IL2RA: variants seen among roughly 807,000 people sequenced by gnomAD.
IL2RA encodes interleukin 2 receptor subunit alpha.
IL2RA carries 24 observed loss-of-function variants against 37.8 expected under a neutral mutation model. The ratio of observed to expected loss-of-function variants is 0.63; its 90% CI spans 0.46 to 0.89. IL2RA has a LOEUF of 0.89. Ranked by LOEUF, IL2RA falls within the 40% of genes least tolerant of loss-of-function variation. IL2RA has a pLI of 0.00. For synonymous variants in IL2RA, 125 were observed against 114.6 expected, an observed-to-expected ratio of 1.09 and a Z score of -0.58; for missense variants, 319 against 348.6, an observed-to-expected ratio of 0.92 and a Z score of 0.68.
rs1839246632 is a variant in IL2RA, at chr10:6,014,560, A to G, written c.795-1664T>C. On this transcript the variant is annotated intron_variant, in intron 7 of 7. Transcript: ENST00000379959. The surrounding 1 kb of genome is among the most constrained non-coding windows in gnomAD (Gnocchi z 4.4). ...TGTCCTCTGGGCCCGAAGGCTTTTG[A>G]TCTTCAAACTAACAAATGAAAAAAA... Among the ~76,000 whole-genome samples the G allele has an allele frequency of 6.6e-6, 1 of 152,158 alleles. No homozygotes were observed.
In IL2RA at chr10:6,025,923, C is replaced by T. The variant is rs886047083; in HGVS notation, c.167G>A (p.Arg56His). The change falls in exon 2 of 8, where the codon CGC becomes CAC. Residue 56 changes from arginine (R) to histidine (H), a missense_variant. Arg to His is a conservative substitution (Grantham distance 29). Transcript: ENST00000379959. This position sits in a 1 kb window ranked among gnomAD's most constrained non-coding sequence, Gnocchi z 4.4. ...MLNCECKRGF[R>H]RIKSGSLYML... ...ATAGAGTGACCCGCTTTTTATTCTG[C>T]GGAAACCTCTCTTGCATTCACAGTT... 17 of 1,614,046 alleles carry T rather than the reference C, an allele frequency of 1.1e-5. No individual in the cohort carries two copies. Among genetic ancestry groups the T allele is most frequent in the Non-Finnish European group, 1.1e-5 (13 of 1,180,042 alleles).
rs184913967 is a variant in IL2RA at position 6,018,927 on chromosome 10, C to T, written c.727+501G>A. The stretch of plus-strand genomic sequence containing the variant: ...ACCAATCTACCAATCTATCTACCAA[C>T]CAACTCACTAACCAACCAACCAGCT... On this transcript the variant is annotated intron_variant, in intron 6 of 7. Coordinates refer to ENST00000379959, the MANE Select transcript of IL2RA (RefSeq NM_000417.3). This position sits in a 1 kb window ranked among gnomAD's most constrained non-coding sequence, Gnocchi z 5.1. Among the ~76,000 whole-genome samples the T allele has an allele frequency of 5.9e-5, 9 of 152,246 alleles. No individual in the cohort carries two copies.
intron 7 of IL2RA, 64 bp downstream of exon 7, chr10:6,017,989 C>T (rs990747971): frequency 7.6e-7 from 1 of 1,320,662 alleles, no homozygotes. Flanking sequence ...AGGGGGGAGG[C>T]AGGGTGGGGC....
rs752717856 is a variant in IL2RA, at chr10:6,015,154, A to G, written c.795-2258T>C. ...GTCACCCAGGGTGGAGTGCAGTGGT[A>G]CGATCTCAGCTCACTGCAGCCTCTG... On this transcript the variant is annotated intron_variant, in intron 7 of 7. Coordinates refer to ENST00000379959, the MANE Select transcript of IL2RA (RefSeq NM_000417.3). The surrounding 1 kb of genome is among the most constrained non-coding windows in gnomAD (Gnocchi z 4.9). Among the ~76,000 whole-genome samples the G allele has an allele frequency of 6.6e-6, 1 of 150,648 alleles. No homozygotes were observed. Among genetic ancestry groups the G allele is most frequent in the Non-Finnish European group, 1.5e-5 (1 of 67,740 alleles).
At position 6,026,003 on chromosome 10, in the gene IL2RA, T is replaced by A. The variant is rs1297376167; in HGVS notation, c.87A>T (p.Pro29=). 6.2e-7 allele frequency: 1 copy of A among 1,613,398 alleles called. No homozygotes were observed. Among genetic ancestry groups the A allele is most frequent in the Non-Finnish European group, 8.5e-7 (1 of 1,180,024 alleles). Residue 29 remains proline, a synonymous_variant, in exon 2 of 8, where the codon CCA becomes CCT. Coordinates refer to ENST00000379959, the MANE Select transcript of IL2RA (RefSeq NM_000417.3). The part of the protein sequence containing the change: ...CQAELCDDDP[P]EIPHATFKAM... The stretch of plus-strand genomic sequence containing the variant: ...CTTTGAATGTGGCGTGTGGGATCTC[T>A]GGCGGGTCATCGTCACAGAGCTCTG...
chr10:6,053,553 C>A (rs764468443), intron 1 of IL2RA, among the ~76,000 whole-genome samples: 5 of 152,204 alleles, frequency 3.3e-5, no homozygotes, highest in Non-Finnish European at 7.3e-5. Context: ...TAGCTTTGCT[C>A]ATTTTCTTAC....
At position 6,011,983 on chromosome 10, in the gene IL2RA, C is replaced by T. The variant is rs147669116; in HGVS notation, c.*889G>A. On this transcript the variant is annotated 3_prime_UTR_variant, in exon 8 of 8. Coordinates refer to ENST00000379959, the MANE Select transcript of IL2RA (RefSeq NM_000417.3). The surrounding 1 kb of genome is among the most constrained non-coding windows in gnomAD (Gnocchi z 5.2). ...GTGTTTTTAGACACTTCTCAGGAAA[C>T]GTACGCATTGATTTGCACCTTGTGT... 25 of 152,460 alleles carry T rather than the reference C, an allele frequency of 1.6e-4. No individual in the cohort carries two copies. Among genetic ancestry groups the T allele is most frequent in the Non-Finnish European group, 2.8e-4 (19 of 68,044 alleles). The allele number at this position is 152,460 out of a possible 1,614,324, so 9.4% of individuals were successfully genotyped here. A position where few individuals can be genotyped will look rare whatever the true frequency, so the allele number is the denominator to read the frequency against.
At chr10:6,049,439 C>T (rs556173386) in intron 1 of IL2RA, among the ~76,000 whole-genome samples, 11 of 152,308 alleles carry the variant, frequency 7.2e-5, no homozygotes, top group African/African-American at 2.6e-4. Flanking sequence ...CTCACAGACA[C>T]CCCCAGAGAG....
In IL2RA at chr10:6,018,707, A is replaced by T. The variant is rs1839320701; in HGVS notation, c.728-588T>A. 6.6e-6 allele frequency among the ~76,000 whole-genome samples: 1 copy of T among 152,194 alleles called. No individual in the cohort carries two copies. The highest frequency in any genetic ancestry group is 2.1e-4 in the South Asian group (1 of 4,830). On this transcript the variant is annotated intron_variant, in intron 6 of 7. Transcript: ENST00000379959. The surrounding 1 kb of genome is among the most constrained non-coding windows in gnomAD (Gnocchi z 5.1). Reference sequence around the variant, plus strand: ...CCAGATCAGCTTGAGAGGAGCTGATAGGGCTGACTTGAGACTTTGCTCACA... The same window carrying T: ...CCAGATCAGCTTGAGAGGAGCTGATTGGGCTGACTTGAGACTTTGCTCACA...
In IL2RA at chr10:6,021,852, G is replaced by A. The variant is rs976874957; in HGVS notation, c.368-159C>T. On this transcript the variant is annotated intron_variant, in intron 3 of 7. Transcript: ENST00000379959. This position sits in a 1 kb window ranked among gnomAD's most constrained non-coding sequence, Gnocchi z 4.9. ...ATATGTTGAGAACGTCTGAGCGTGG[G>A]GAAGTTTGCTAGGCCCTGTAGGAAG... Among the ~76,000 whole-genome samples the A allele has an allele frequency of 1.1e-4, 16 of 152,124 alleles. No homozygotes were observed. Among genetic ancestry groups the A allele is most frequent in the African/African-American group, 3.6e-4 (15 of 41,412 alleles).
At chr10:6,039,322 G>A (rs1839735800) in intron 1 of IL2RA, 2 of 152,146 alleles carry the variant, frequency 1.3e-5, no homozygotes, top group Non-Finnish European at 1.5e-5. Context: ...TAACACTTAC[G>A]TACTTCTATG....
rs574393985 is a variant in IL2RA at position 6,015,917 on chromosome 10, G to A, written c.794+2136C>T. ...CAAATCCATAGAGACGGAACATAGA[G>A]TGGTGGTTTCCCGGGGCTGGGGAGA... On this transcript the variant is annotated intron_variant, in intron 7 of 7. Coordinates refer to ENST00000379959, the MANE Select transcript of IL2RA (RefSeq NM_000417.3). This position sits in a 1 kb window ranked among gnomAD's most constrained non-coding sequence, Gnocchi z 4.9. Among the ~76,000 whole-genome samples, 1 of 152,326 alleles carries A rather than the reference G, an allele frequency of 6.6e-6. No individual in the cohort carries two copies.
chr10:6,055,015 G>A (rs946826063), intron 1 of IL2RA, among the ~76,000 whole-genome samples: 1 of 151,982 alleles, frequency 6.6e-6, no homozygotes, highest in Admixed American at 6.6e-5. Flanking sequence ...CATTTCAGTC[G>A]CAAGTTCTGT....
intron 1 of IL2RA, among the ~76,000 whole-genome samples, chr10:6,037,216 G>A (rs1042175132): frequency 1.3e-5 from 2 of 152,182 alleles, no homozygotes; most frequent in Admixed American, 1.3e-4. Flanking sequence ...AGGTGTGTGG[G>A]TGAGAAACGT....
intron 1 of IL2RA, among the ~76,000 whole-genome samples, chr10:6,051,834 T>TAGAGAGAGAG (rs772262467): frequency 8.4e-6 from 1 of 119,614 alleles, no homozygotes. Flanking sequence ...TATATATATA[T>TAGAGAGAGAG]ATATATATAG....
At position 6,054,830 on chromosome 10, in the gene IL2RA, A is replaced by G. The variant is rs12722630; in HGVS notation, c.64+7258T>C. Among the ~76,000 whole-genome samples, 1,189 of 152,184 alleles carry G rather than the reference A, an allele frequency of 7.8e-3. 15 individuals are homozygous for G. Among genetic ancestry groups the G allele is most frequent in the African/African-American group, 0.027 (1,130 of 41,500 alleles). The stretch of plus-strand genomic sequence containing the variant: ...ATGGCATTATTTGCAATGTTTGATC[A>G]ATATTTGATCTTTCCCAGATTGGTT... On this transcript the variant is annotated intron_variant, in intron 1 of 7. Coordinates refer to ENST00000379959, the MANE Select transcript of IL2RA (RefSeq NM_000417.3). The surrounding 1 kb of genome is among the most constrained non-coding windows in gnomAD (Gnocchi z 4.5).
intron 1 of IL2RA, among the ~76,000 whole-genome samples, chr10:6,034,682 T>G (rs1397790091): frequency 6.6e-6 from 1 of 152,152 alleles, no homozygotes; most frequent in Non-Finnish European, 1.5e-5. Context: ...AAAAATTACT[T>G]CTCAAAATTC....
rs915188142 is a variant in IL2RA, at chr10:6,046,201, T to G, written c.64+15887A>C. Reference sequence around the variant, plus strand: ...GACACACATTGCATACACTGTGTGTTGTTGACAGGGATCATGCCTTTTCAC... The same window carrying G: ...GACACACATTGCATACACTGTGTGTGGTTGACAGGGATCATGCCTTTTCAC... On this transcript the variant is annotated intron_variant, in intron 1 of 7. Coordinates refer to ENST00000379959, the MANE Select transcript of IL2RA (RefSeq NM_000417.3). This position sits in a 1 kb window ranked among gnomAD's most constrained non-coding sequence, Gnocchi z 4.8. 6.6e-6 allele frequency among the ~76,000 whole-genome samples: 1 copy of G among 152,146 alleles called. No individual in the cohort carries two copies. Among genetic ancestry groups the G allele is most frequent in the African/African-American group, 2.4e-5 (1 of 41,414 alleles).
intron 3 of IL2RA, 69 bp downstream of exon 3, chr10:6,024,175 A>G: frequency 4.0e-6 from 4 of 1,004,346 alleles, no homozygotes; most frequent in Non-Finnish European, 6.4e-6. Flanking sequence ...TCCTTTGGGT[A>G]CACATCATCT....
Sources: allele counts gnomAD v4.1 joint callset (sites outside exome capture counted in the v4.1 genomes callset), GRCh38; gene constraint gnomAD v4.1.1; non-coding constraint Gnocchi (gnomAD v3.1); transcripts MANE v1.5; gene names NCBI Gene and HGNC (gene_info 2026-07-23, HGNC 2026-07-21).